SFSWAP: variants seen among roughly 807,000 people sequenced by gnomAD.
SFSWAP encodes the protein splicing factor SWAP.
SFSWAP carries 17 observed loss-of-function variants against 100.7 expected under a neutral mutation model. That is an observed-to-expected ratio of 0.17 (90% CI 0.12 to 0.25). The LOEUF (loss-of-function observed/expected upper bound fraction) is 0.25, where lower values mean the gene tolerates loss of function less well. Ranked by LOEUF, SFSWAP falls within the 10% of genes least tolerant of loss-of-function variation. SFSWAP has a pLI of 1.00. For missense variants in SFSWAP, 1,005 were observed against 1,262.6 expected (o/e 0.80, Z 3.09); for synonymous variants, 504 against 510.1 (o/e 0.99, Z 0.16).
At chr12:131,766,403 G>A in intron 13 of SFSWAP, 95 bp downstream of exon 13, 1 of 1,148,756 alleles carries the variant, frequency 8.7e-7, no homozygotes, top group East Asian at 2.3e-5. Context: ...TCTCTGGCCT[G>A]AGTGAGGGAT....
At chr12:131,726,821 A>G (rs1278932783) in intron 5 of SFSWAP, 119 bp from the exon 6 acceptor site, 3 of 672,514 alleles carry the variant, frequency 4.5e-6, no homozygotes, top group Non-Finnish European at 7.8e-6. Context: ...AGAAATTTCT[A>G]AAAGTGTTTT....
rs987420314 is a variant in SFSWAP, at chr12:131,781,238, T to A, written c.2408+2908T>A. 2.0e-3 allele frequency among the ~76,000 whole-genome samples: 288 copies of A among 143,028 alleles called. 3 individuals carry two copies. The highest frequency in any genetic ancestry group is 6.0e-3 in the African/African-American group (235 of 38,878). 93.8% of individuals were successfully genotyped at this position (143,028 alleles called of 152,430 possible). A position where few individuals can be genotyped will look rare whatever the true frequency, so the allele number is the denominator to read the frequency against. On this transcript the variant is annotated intron_variant, in intron 14 of 17. Coordinates refer to ENST00000261674, the MANE Select transcript of SFSWAP (RefSeq NM_004592.4). ...CATATGCAAATATATCTTATTATTT[T>A]TTTTTTTTTTTTTTTTTTTGAGACA...
At chr12:131,740,296 C>T (rs1880481254) in intron 7 of SFSWAP, among the ~76,000 whole-genome samples, 1 of 152,156 alleles carries the variant, frequency 6.6e-6, no homozygotes, top group South Asian at 2.1e-4. Context: ...CACCGAGTCG[C>T]TTGCCTAGGA....
chr12:131,749,728 A>G (rs1881447644), intron 7 of SFSWAP, among the ~76,000 whole-genome samples: 2 of 152,190 alleles, frequency 1.3e-5, no homozygotes, highest in South Asian at 4.1e-4. Flanking sequence ...CACTCATTAA[A>G]CACTTACTGA....
intron 7 of SFSWAP, among the ~76,000 whole-genome samples, chr12:131,742,025 C>T (rs1880690640): frequency 6.6e-6 from 1 of 152,136 alleles, no homozygotes; most frequent in Admixed American, 6.5e-5. Flanking sequence ...CTTTTTCTTC[C>T]CTTCCAACAG....
At chr12:131,737,502 T>G (rs1157782386) in intron 7 of SFSWAP, among the ~76,000 whole-genome samples, 2 of 152,244 alleles carry the variant, frequency 1.3e-5, no homozygotes, top group South Asian at 4.1e-4. Flanking sequence ...CTTACAACTC[T>G]GTATTTTAAT....
intron 7 of SFSWAP, among the ~76,000 whole-genome samples, chr12:131,750,966 A>G (rs1881567770): frequency 6.6e-6 from 1 of 152,064 alleles, no homozygotes; most frequent in African/African-American, 2.4e-5. Flanking sequence ...GACCCATGGC[A>G]CCCAGCCTAA....
In SFSWAP at chr12:131,799,501, G is replaced by A. The variant is rs1159064863; in HGVS notation, c.*13G>A. On this transcript the variant is annotated 3_prime_UTR_variant, in exon 18 of 18. Coordinates refer to ENST00000261674, the MANE Select transcript of SFSWAP (RefSeq NM_004592.4). ...CAGCGCTTCCTGAGACGGGGCCAGC[G>A]GAGGCAGAGCCGGGAGGCTGCGTGG... 22 of 1,612,968 alleles carry A rather than the reference G, an allele frequency of 1.4e-5. No individual in the cohort carries two copies. The highest frequency in any genetic ancestry group is 1.6e-5 in the Non-Finnish European group (19 of 1,179,376).
chr12:131,794,002 T>C lies in SFSWAP; in HGVS notation c.2535-3176T>C, dbSNP rs1216952569. On this transcript the variant is annotated intron_variant, in intron 15 of 17. Transcript: ENST00000261674. The surrounding 1 kb of genome is among the most constrained non-coding windows in gnomAD (Gnocchi z 4.8). ...CTTGTGACGTTAAGTACACACCTAC[T>C]CCCTGACCAGCTGTCCTGTTCCTAG... 6.6e-6 allele frequency among the ~76,000 whole-genome samples: 1 copy of C among 152,192 alleles called. No homozygotes were observed. The highest frequency in any genetic ancestry group is 1.5e-5 in the Non-Finnish European group (1 of 68,040).
chr12:131,729,640 T>C (rs1879318025), intron 7 of SFSWAP, among the ~76,000 whole-genome samples: 1 of 152,248 alleles, frequency 6.6e-6, no homozygotes, highest in African/African-American at 2.4e-5. Context: ...CAGGAGATCA[T>C]TTGAAAGTGT....
intron 7 of SFSWAP, among the ~76,000 whole-genome samples, chr12:131,741,320 G>GT (rs1880606717): frequency 6.6e-6 from 1 of 151,956 alleles, no homozygotes; most frequent in Non-Finnish European, 1.5e-5. Flanking sequence ...TTGTTTGTTT[G>GT]TATTTTTTCA....
intron 3 of SFSWAP, among the ~76,000 whole-genome samples, chr12:131,717,992 A>G (rs1878088360): frequency 6.6e-6 from 1 of 152,186 alleles, no homozygotes; most frequent in Non-Finnish European, 1.5e-5. Flanking sequence ...CGGCCTCCCA[A>G]AGTGCTGGGA....
At chr12:131,797,648 G>A (rs1885780299) in intron 16 of SFSWAP, among the ~76,000 whole-genome samples, 1 of 152,334 alleles carries the variant, frequency 6.6e-6, no homozygotes, top group Admixed American at 6.5e-5. Flanking sequence ...CGTGCCTGAT[G>A]CCCACCAGGC....
intron 11 of SFSWAP, 55 bp from the exon 12 acceptor site, chr12:131,764,401 C>T: frequency 7.0e-7 from 1 of 1,437,640 alleles, no homozygotes; most frequent in Non-Finnish European, 9.7e-7. Flanking sequence ...GTAGCAGGGC[C>T]TGCAAAGATT....
chr12:131,767,358 C>T (rs1316291893), intron 13 of SFSWAP, among the ~76,000 whole-genome samples: 1 of 152,096 alleles, frequency 6.6e-6, no homozygotes, highest in African/African-American at 2.4e-5. Flanking sequence ...GTAGTTATGT[C>T]TCTGAATTTT....
In SFSWAP at chr12:131,761,482, A is replaced by G. The variant is rs144482273; in HGVS notation, c.1721-2974A>G. Among the ~76,000 whole-genome samples, 195 of 152,284 alleles carry G rather than the reference A, an allele frequency of 1.3e-3. 1 individual carries two copies. The highest frequency in any genetic ancestry group is 4.6e-3 in the African/African-American group (190 of 41,558). ...TTGGGCAGGGCCTGTCTGAGGAGGC[A>G]TCGTGGGGGCCGATCCTTGAAGAAT... On this transcript the variant is annotated intron_variant, in intron 11 of 17. Transcript: ENST00000261674.
Position 131,711,860 on chromosome 12 carries a change from G to T in SFSWAP, c.218+413G>T, listed in dbSNP as rs1373323416. ...ACTTGCCGCGCTCTCACTGCTCGGT[G>T]TACTGGGAGGGTACCCTGGGAGGCG... On this transcript the variant is annotated intron_variant, in intron 1 of 17. Coordinates refer to ENST00000261674, the MANE Select transcript of SFSWAP (RefSeq NM_004592.4). This position sits in a 1 kb window ranked among gnomAD's most constrained non-coding sequence, Gnocchi z 4.9. 1 of 205,286 alleles carries T rather than the reference G, an allele frequency of 4.9e-6. No individual in the cohort carries two copies. The highest frequency in any genetic ancestry group is 2.3e-5 in the African/African-American group (1 of 42,896). 12.7% of individuals were successfully genotyped at this position (205,286 alleles called of 1,614,324 possible).
intron 3 of SFSWAP, among the ~76,000 whole-genome samples, chr12:131,718,972 G>T (rs548908981): frequency 1.3e-5 from 2 of 152,344 alleles, no homozygotes; most frequent in South Asian, 4.1e-4. Context: ...TTTAACTACA[G>T]TTAACCCTTG....
At chr12:131,798,845 G>A (rs140712614) in intron 16 of SFSWAP, among the ~76,000 whole-genome samples, 192 bp from the exon 17 acceptor site, 1,741 of 152,130 alleles carry the variant, frequency 0.011, 24 homozygotes, top group African/African-American at 0.039. Context: ...AGCTGAGAAC[G>A]TGCCATTGCA....
Sources: gnomAD v4.1 joint callset for allele counts (sites outside exome capture counted in the v4.1 genomes callset) on GRCh38, gnomAD v4.1.1 for gene constraint, Gnocchi (gnomAD v3.1) non-coding constraint, MANE v1.5 for transcripts, NCBI Gene and HGNC (gene_info 2026-07-23, HGNC 2026-07-21) for gene names.